NFAT5: variants seen among roughly 807,000 people sequenced by gnomAD.
NFAT5 encodes nuclear factor of activated T cells 5, also known as nuclear factor of activated T-cells 5.
In NFAT5, 31 loss-of-function variants were observed where a neutral mutation model predicts 166.5. The ratio of observed to expected loss-of-function variants is 0.19; its 90% CI spans 0.14 to 0.25. NFAT5 has a LOEUF of 0.25. NFAT5 is among the 10% of genes least tolerant of loss of function. The pLI is 1.00. For synonymous variants in NFAT5, 612 were observed against 639.7 expected, an observed-to-expected ratio of 0.96 and a Z score of 0.65; for missense variants, 1,449 against 1,821.8, an observed-to-expected ratio of 0.80 and a Z score of 3.72.
At chr16:69,615,443 G>T (rs537899104) in intron 2 of NFAT5, among the ~76,000 whole-genome samples, 46 of 152,190 alleles carry the variant, frequency 3.0e-4, no homozygotes, top group South Asian at 1.0e-3. Context: ...TATTTTGCCT[G>T]TCCCAGCCCT....
intron 2 of NFAT5, among the ~76,000 whole-genome samples, chr16:69,568,950 A>G (rs2016272969): frequency 6.6e-6 from 1 of 152,234 alleles, no homozygotes; most frequent in African/African-American, 2.4e-5. Context: ...TATGCTGAGC[A>G]TTTCAAAATA....
intron 5 of NFAT5, among the ~76,000 whole-genome samples, chr16:69,654,800 T>C (rs907816140): frequency 2.0e-5 from 3 of 152,238 alleles, no homozygotes; most frequent in African/African-American, 7.2e-5. Context: ...GAGATGTAGC[T>C]GTACTGGAAT....
rs1251426271 is a variant in NFAT5 at position 69,693,396 on chromosome 16, A to G, written c.3571A>G (p.Thr1191Ala). ...APNSISPLQS[T>A]SNSEQQAAFQ... is the part of the protein sequence containing the mutation. ...GAACTCAATTTCTCCACTTCAGTCA[A>G]CATCAAACAGTGAACAACAAGCTGC... The change falls in exon 13 of 15, where the codon ACA becomes GCA. Residue 1191 changes from threonine to alanine, a missense_variant. By Grantham distance (58) the Thr-to-Ala change is moderately conservative. This residue lies in a region of NFAT5 where 891 missense variants were observed against 993.0 expected (regional missense o/e 0.90). Coordinates refer to ENST00000349945, the MANE Select transcript of NFAT5 (RefSeq NM_138713.4). 3.7e-6 allele frequency: 6 copies of G among 1,614,208 alleles called. No homozygotes were observed. Among genetic ancestry groups the G allele is most frequent in the Admixed American group, 3.3e-5 (2 of 60,020 alleles).
chr16:69,613,711 C>T (rs2033809275), intron 2 of NFAT5, among the ~76,000 whole-genome samples: 2 of 152,186 alleles, frequency 1.3e-5, no homozygotes, highest in Admixed American at 6.5e-5. Context: ...TAAAGGTTCC[C>T]TCTTCTCCAG....
intron 7 of NFAT5, 29 bp downstream of exon 7, chr16:69,659,928 CAT>C (rs1392140412): frequency 4.0e-6 from 6 of 1,500,822 alleles, no homozygotes; most frequent in Middle Eastern, 1.8e-4. Context: ...AGATACTAAA[CAT>C]ATGGAGTTTC....
chr16:69,617,955 G>A (rs1167241669), intron 2 of NFAT5, among the ~76,000 whole-genome samples: 1 of 126,314 alleles, frequency 7.9e-6, no homozygotes, highest in Non-Finnish European at 1.9e-5. Context: ...TCGGGAGTTC[G>A]AGACCACCCT....
chr16:69,620,685 A>G (rs1239456514), intron 2 of NFAT5, among the ~76,000 whole-genome samples: 2 of 152,148 alleles, frequency 1.3e-5, no homozygotes, highest in African/African-American at 2.4e-5. Context: ...AAGTAAAATC[A>G]CTTCTAGATT....
At chr16:69,650,533 C>A (rs572172377) in intron 4 of NFAT5, among the ~76,000 whole-genome samples, 9 of 152,196 alleles carry the variant, frequency 5.9e-5, no homozygotes, top group African/African-American at 1.7e-4. Context: ...CAAGTGAGAT[C>A]ATTTGTTTTG....
intron 3 of NFAT5, among the ~76,000 whole-genome samples, chr16:69,628,353 T>A (rs2034558600): frequency 6.6e-6 from 1 of 152,100 alleles, no homozygotes; most frequent in Non-Finnish European, 1.5e-5. Flanking sequence ...TGCATTCTTA[T>A]TATCTTGAAA....
At chr16:69,605,835 T>A (rs929953110) in intron 2 of NFAT5, among the ~76,000 whole-genome samples, 1 of 152,060 alleles carries the variant, frequency 6.6e-6, no homozygotes, top group Non-Finnish European at 1.5e-5. Flanking sequence ...TGCCTCAGCC[T>A]CCCAAGTAGC....
chr16:69,696,295 G>T (rs1160682529), intron 14 of NFAT5, 65 bp from the exon 15 acceptor site: 3 of 152,148 alleles, frequency 2.0e-5, no homozygotes, highest in Non-Finnish European at 4.4e-5. Context: ...ATCATTCAGG[G>T]TGTCAGAAAC....
chr16:69,649,068 T>G, intron 4 of NFAT5: 1 of 855,296 alleles, frequency 1.2e-6, no homozygotes, highest in Non-Finnish European at 1.4e-6. Context: ...ATATACTCTT[T>G]CCTAAAATGT....
intron 2 of NFAT5, among the ~76,000 whole-genome samples, chr16:69,610,379 A>G (rs2033652684): frequency 6.6e-6 from 1 of 152,152 alleles, no homozygotes; most frequent in South Asian, 2.1e-4. Flanking sequence ...CATCTCTAAG[A>G]TTATGGTATA....
chr16:69,571,081 C>G (rs1164814824), intron 2 of NFAT5, among the ~76,000 whole-genome samples: 1 of 130,038 alleles, frequency 7.7e-6, no homozygotes, highest in African/African-American at 2.9e-5. Flanking sequence ...CACTTGAGGT[C>G]AGGAGTTTGA....
chr16:69,636,560 G>A (rs781750441), intron 3 of NFAT5, among the ~76,000 whole-genome samples: 14 of 152,186 alleles, frequency 9.2e-5, no homozygotes, highest in Non-Finnish European at 2.1e-4. Context: ...CTAGGCGGAG[G>A]TTCCCAAATC....
chr16:69,591,943 AT>A (rs2032484885), intron 2 of NFAT5, among the ~76,000 whole-genome samples: 1 of 152,108 alleles, frequency 6.6e-6, no homozygotes, highest in African/African-American at 2.4e-5. Flanking sequence ...TTAAAAAAAA[AT>A]TACAAAAAGT....
At chr16:69,658,181 A>G (rs977037074) in intron 6 of NFAT5, among the ~76,000 whole-genome samples, 3 of 151,894 alleles carry the variant, frequency 2.0e-5, no homozygotes, top group African/African-American at 7.2e-5. Context: ...TACTTATTCA[A>G]TATAAGAAAG....
At chr16:69,661,082 C>G in intron 7 of NFAT5, among the ~76,000 whole-genome samples, 1 of 127,142 alleles carries the variant, frequency 7.9e-6, no homozygotes, top group Middle Eastern at 4.3e-3. Context: ...CCCCACCACC[C>G]TTTTTTTTTT....
intron 10 of NFAT5, among the ~76,000 whole-genome samples, chr16:69,684,645 G>A (rs1481221428): frequency 1.3e-5 from 2 of 152,044 alleles, no homozygotes; most frequent in Admixed American, 1.3e-4. Flanking sequence ...GCTTCCCAAA[G>A]TGCTGGGATT....
Sources: gnomAD v4.1 joint callset for allele counts (sites outside exome capture counted in the v4.1 genomes callset) on GRCh38, gnomAD v4.1.1 for gene constraint, gnomAD v4.1.1 regional missense constraint, MANE v1.5 for transcripts, NCBI Gene and HGNC (gene_info 2026-07-23, HGNC 2026-07-21) for gene names.